The following LPP variants were observed in gnomAD, a reference collection of about 807,000 sequenced individuals.
LPP encodes LIM domain containing preferred translocation partner in lipoma.
LPP carries 38 observed loss-of-function variants against 60.4 expected under a neutral mutation model. The observed-to-expected ratio is 0.63, with a 90% CI of 0.49 to 0.83. The LOEUF (loss-of-function observed/expected upper bound fraction) is 0.83. LPP is among the 40% of genes least tolerant of loss of function. The pLI, the probability that LPP is intolerant of heterozygous loss-of-function variation, is 0.00. For synonymous variants in LPP, 328 were observed against 290.8 expected (o/e 1.13, Z -1.30); for missense variants, 902 against 783.6 (o/e 1.15, Z -1.80).
At chr3:188,762,675 A>G (rs1366462077) in intron 9 of LPP, among the ~76,000 whole-genome samples, 1 of 152,092 alleles carries the variant, frequency 6.6e-6, no homozygotes, top group African/African-American at 2.4e-5. Context: ...TGTTGTTACT[A>G]TACTATGCTT....
chr3:188,762,212 G>A (rs1281619509), intron 9 of LPP, among the ~76,000 whole-genome samples: 4 of 152,126 alleles, frequency 2.6e-5, no homozygotes, highest in Non-Finnish European at 5.9e-5. Context: ...ACGTCACTTA[G>A]TGCCTCCCCT....
In LPP at chr3:188,316,834, G is replaced by A. The variant is rs542830582; in HGVS notation, c.-66-24829G>A. On this transcript the variant is annotated intron_variant, in intron 2 of 11. Transcript: ENST00000617246. The stretch of plus-strand genomic sequence containing the variant: ...AACTATAATGTGGGACAAACACTCC[G>A]CCTTTCTGTCTCTGCAGCTAGTGGT... 5.9e-4 allele frequency among the ~76,000 whole-genome samples: 90 copies of A among 152,314 alleles called. 2 individuals are homozygous for A. The South Asian group carries it at 0.018, about 30-fold the overall frequency.
At chr3:188,594,704 T>C (rs1157094939) in intron 6 of LPP, among the ~76,000 whole-genome samples, 1 of 152,210 alleles carries the variant, frequency 6.6e-6, no homozygotes, top group African/African-American at 2.4e-5. Context: ...AAAAATCCAA[T>C]GTGTTCTCTG....
chr3:188,553,916 A>C (rs1371792421), intron 6 of LPP: 1 of 152,206 alleles, frequency 6.6e-6, no homozygotes, highest in Admixed American at 6.5e-5. Flanking sequence ...TGAGGTGCCC[A>C]CACTATATCT....
At chr3:188,494,816 C>T (rs1283849773) in intron 5 of LPP, among the ~76,000 whole-genome samples, 1 of 151,796 alleles carries the variant, frequency 6.6e-6, no homozygotes, top group East Asian at 1.9e-4. Context: ...CTTTCTGTGG[C>T]CCACTTAAAT....
At chr3:188,232,963 G>A (rs770224437) in intron 2 of LPP, among the ~76,000 whole-genome samples, 1 of 152,070 alleles carries the variant, frequency 6.6e-6, no homozygotes, top group African/African-American at 2.4e-5. Flanking sequence ...TAAATGTTAA[G>A]TTTCTGATCA....
chr3:188,268,626 G>A (rs550806437), intron 2 of LPP, among the ~76,000 whole-genome samples: 8 of 152,314 alleles, frequency 5.3e-5, no homozygotes, highest in East Asian at 1.9e-4. Flanking sequence ...CTGTTAGGAC[G>A]GAGGAGGCAG....
At chr3:188,561,784 T>C (rs1830751529) in intron 6 of LPP, among the ~76,000 whole-genome samples, 1 of 152,078 alleles carries the variant, frequency 6.6e-6, no homozygotes, top group Non-Finnish European at 1.5e-5. Context: ...ACTTCACTTA[T>C]TTCCACAGAT....
At chr3:188,789,290 G>A (rs1172924094) in intron 9 of LPP, among the ~76,000 whole-genome samples, 3 of 151,972 alleles carry the variant, frequency 2.0e-5, no homozygotes, top group African/African-American at 2.4e-5. Context: ...AACCCTTTTT[G>A]TTGTTGTTGT....
At chr3:188,712,810 G>A (rs1016787239) in intron 8 of LPP, 1 of 151,992 alleles carries the variant, frequency 6.6e-6, no homozygotes, top group Non-Finnish European at 1.5e-5. Context: ...GGGAGTGAGA[G>A]TGAACAAAAT....
intron 8 of LPP, among the ~76,000 whole-genome samples, chr3:188,719,141 T>C (rs189879243): frequency 6.6e-6 from 1 of 152,330 alleles, no homozygotes; most frequent in East Asian, 1.9e-4. Context: ...AACTGGTCAA[T>C]GAAGAGAGTA....
intron 9 of LPP, among the ~76,000 whole-genome samples, chr3:188,812,770 T>A (rs1424330752): frequency 9.1e-6 from 1 of 110,258 alleles, no homozygotes; most frequent in Admixed American, 1.0e-4. Flanking sequence ...ACTCTCTCAC[T>A]CTCCCTCTCT....
At chr3:188,785,575 T>C (rs1192631822) in intron 9 of LPP, among the ~76,000 whole-genome samples, 16 of 121,428 alleles carry the variant, frequency 1.3e-4, no homozygotes, top group South Asian at 6.2e-4. Flanking sequence ...CACACACACA[T>C]ACCCACACAT....
At chr3:188,184,198 A>T (rs943534690) in intron 1 of LPP, among the ~76,000 whole-genome samples, 16 of 152,182 alleles carry the variant, frequency 1.1e-4, no homozygotes, top group Non-Finnish European at 2.2e-4. Context: ...ATCTGTGGAT[A>T]GGGCATTGGT....
chr3:188,516,413 A>T lies in LPP; in HGVS notation c.307-8252A>T, dbSNP rs565895532. On this transcript the variant is annotated intron_variant, in intron 5 of 11. Transcript: ENST00000617246. The stretch of plus-strand genomic sequence containing the variant: ...GAGGCTGCTCATATTACTATACAGC[A>T]TGAGAGATTATATTAAATAGAAATG... 2.6e-5 allele frequency among the ~76,000 whole-genome samples: 4 copies of T among 152,240 alleles called. No homozygotes were observed. The South Asian group carries it at 8.3e-4, about 32-fold the overall frequency.
At chr3:188,361,907 T>G (rs1676241446) in intron 3 of LPP, among the ~76,000 whole-genome samples, 1 of 152,112 alleles carries the variant, frequency 6.6e-6, no homozygotes, top group African/African-American at 2.4e-5. Context: ...ATTCCTCAAG[T>G]GCTTACTCTG....
rs1576909374 is a variant in LPP, at chr3:188,663,530, C to G, written c.1114-44737C>G. Among the ~76,000 whole-genome samples the G allele has an allele frequency of 2.0e-5, 3 of 152,282 alleles. No individual in the cohort carries two copies. The East Asian group carries it at 5.8e-4, about 29-fold the overall frequency. ...GTGTCACGTACATCGCTACTTAAAA[C>G]TCCAACGGGTAGAGTGGCTATTAAA... is the stretch of plus-strand genomic sequence containing the variant. On this transcript the variant is annotated intron_variant, in intron 7 of 11. Transcript: ENST00000617246.
At chr3:188,829,325 T>C (rs1756513970) in intron 9 of LPP, among the ~76,000 whole-genome samples, 1 of 152,178 alleles carries the variant, frequency 6.6e-6, no homozygotes, top group Admixed American at 6.5e-5. Flanking sequence ...TGTCCCTTCA[T>C]GGGAATCTTC....
chr3:188,553,574 T>C (rs2150555210), intron 6 of LPP, among the ~76,000 whole-genome samples: 1 of 152,342 alleles, frequency 6.6e-6, no homozygotes, highest in South Asian at 2.1e-4. Context: ...GAAAGAATTA[T>C]CCCTGCTACA....
Sources: allele counts gnomAD v4.1 joint callset (sites outside exome capture counted in the v4.1 genomes callset), GRCh38; gene constraint gnomAD v4.1.1; transcripts MANE v1.5; gene names NCBI Gene and HGNC (gene_info 2026-07-23, HGNC 2026-07-21).